Variants in NAA11 observed in about 807,000 individuals in gnomAD.
NAA11 encodes N-alpha-acetyltransferase 11, NatA catalytic subunit.
NAA11 carries 15 observed loss-of-function variants against 16.1 expected under a neutral mutation model. The ratio of observed to expected loss-of-function variants is 0.93; its 90% CI spans 0.62 to 1.44. NAA11 has a LOEUF of 1.44. Among genes scored for constraint, NAA11 ranks in the 40% most tolerant of loss-of-function variants. NAA11 has a pLI of 0.00. For missense variants in NAA11, 298 were observed against 291.3 expected, an observed-to-expected ratio of 1.02 and a Z score of -0.17; for synonymous variants, 122 against 112.4, an observed-to-expected ratio of 1.09 and a Z score of -0.54.
chr4:79,222,610 A>T (rs1721215927), downstream of NAA11, among the ~76,000 whole-genome samples: 1 of 146,790 alleles, frequency 6.8e-6, no homozygotes, highest in Admixed American at 6.9e-5. Context: ...TAAAACACCA[A>T]AAGCAATGGC....
the NAA11 span, among the ~76,000 whole-genome samples, chr4:79,205,064 C>T: frequency 6.6e-6 from 1 of 151,814 alleles, no homozygotes; most frequent in Non-Finnish European, 1.5e-5. Flanking sequence ...ATCCACTTAC[C>T]AGTTGATGGG....
At chr4:79,157,758 G>C in the NAA11 span, among the ~76,000 whole-genome samples, 1 of 151,886 alleles carries the variant, frequency 6.6e-6, no homozygotes, top group African/African-American at 2.4e-5. Context: ...CTGAGAACTG[G>C]AACAAGACAA....
At chr4:79,172,297 T>C in the NAA11 span, among the ~76,000 whole-genome samples, 1 of 152,096 alleles carries the variant, frequency 6.6e-6, no homozygotes, top group Non-Finnish European at 1.5e-5. Context: ...TTTACTGATA[T>C]TGGAACCATT....
At chr4:79,238,169 G>A (rs1721614295) in intron 2 of NAA11, among the ~76,000 whole-genome samples, 1 of 152,176 alleles carries the variant, frequency 6.6e-6, no homozygotes, top group African/African-American at 2.4e-5. Flanking sequence ...TTCAATAAAT[G>A]CCAGTGGCTT....
intron 2 of NAA11, among the ~76,000 whole-genome samples, chr4:79,267,333 C>T (rs918203746): frequency 6.6e-6 from 1 of 152,148 alleles, no homozygotes; most frequent in Non-Finnish European, 1.5e-5. Flanking sequence ...AAGATTATTA[C>T]ACTTGGGGAG....
chr4:79,222,799 A>G (rs1290016244), downstream of NAA11, among the ~76,000 whole-genome samples: 6 of 151,890 alleles, frequency 4.0e-5, no homozygotes, highest in East Asian at 1.2e-3. Context: ...AATTTACAAG[A>G]AAAAAACAAA....
chr4:79,170,823 G>A, the NAA11 span, among the ~76,000 whole-genome samples: 1 of 151,856 alleles, frequency 6.6e-6, no homozygotes, highest in Middle Eastern at 3.4e-3. Flanking sequence ...TTAAATGTTA[G>A]AGAAAAAGCC....
chr4:79,159,911 A>G, the NAA11 span, among the ~76,000 whole-genome samples: 1 of 151,380 alleles, frequency 6.6e-6, no homozygotes, highest in Admixed American at 6.6e-5. Context: ...AATACTATTC[A>G]ATTATATGGA....
chr4:79,214,086 A>G, the NAA11 span, among the ~76,000 whole-genome samples: 3 of 152,182 alleles, frequency 2.0e-5, no homozygotes, highest in African/African-American at 4.8e-5. Context: ...GGAATTGACA[A>G]ATGTTCCAAA....
At chr4:79,176,035 A>C in the NAA11 span, among the ~76,000 whole-genome samples, 1 of 152,156 alleles carries the variant, frequency 6.6e-6, no homozygotes, top group Non-Finnish European at 1.5e-5. Flanking sequence ...TTCCTTACAG[A>C]GTTCAGAAAT....
intron 2 of NAA11, among the ~76,000 whole-genome samples, chr4:79,262,773 A>G (rs1167057760): frequency 6.6e-6 from 1 of 152,160 alleles, no homozygotes; most frequent in Non-Finnish European, 1.5e-5. Flanking sequence ...AAGTTTATGT[A>G]GTAAATGTGT....
intron 2 of NAA11, among the ~76,000 whole-genome samples, chr4:79,276,387 G>A (rs1722644505): frequency 6.6e-6 from 1 of 152,104 alleles, no homozygotes; most frequent in South Asian, 2.1e-4. Flanking sequence ...ACAGCCTGGA[G>A]TAATAAGTCT....
At chr4:79,281,491 G>T (rs146813538) in intron 2 of NAA11, among the ~76,000 whole-genome samples, 5 of 151,972 alleles carry the variant, frequency 3.3e-5, no homozygotes, top group Non-Finnish European at 5.9e-5. Flanking sequence ...CAAATATCAT[G>T]CACTGTTATA....
At chr4:79,316,323 T>A (rs1723925582), downstream of NAA11, among the ~76,000 whole-genome samples, 2 of 152,180 alleles carry the variant, frequency 1.3e-5, no homozygotes, top group Admixed American at 1.3e-4. Context: ...AAGGAAAAGA[T>A]GGAAAGATAG....
At chr4:79,243,157 A>G (rs1157898530) in intron 2 of NAA11, among the ~76,000 whole-genome samples, 1 of 152,224 alleles carries the variant, frequency 6.6e-6, no homozygotes, top group East Asian at 1.9e-4. Flanking sequence ...AAAACCTTAG[A>G]GCACAACCCA....
intron 2 of NAA11, among the ~76,000 whole-genome samples, chr4:79,241,011 T>C (rs1441531120): frequency 6.6e-6 from 1 of 152,146 alleles, no homozygotes; most frequent in Non-Finnish European, 1.5e-5. Flanking sequence ...GCAAATACGA[T>C]ATGGCTAGTG....
chr4:79,181,689 C>T, the NAA11 span, among the ~76,000 whole-genome samples: 1 of 152,126 alleles, frequency 6.6e-6, no homozygotes, highest in Non-Finnish European at 1.5e-5. Flanking sequence ...GTAACCTGCT[C>T]CTGCTTCAGT....
At chr4:79,251,347 C>T (rs1417696423) in intron 2 of NAA11, among the ~76,000 whole-genome samples, 1 of 152,126 alleles carries the variant, frequency 6.6e-6, no homozygotes, top group Non-Finnish European at 1.5e-5. Context: ...GAACTGGGGC[C>T]ATTAGCCCAA....
intron 1 of NAA11, among the ~76,000 whole-genome samples, chr4:79,295,386 T>C (rs1723186008): frequency 6.6e-6 from 1 of 152,210 alleles, no homozygotes; most frequent in Non-Finnish European, 1.5e-5. Context: ...TTACAGGCTT[T>C]CAGAAAAGAT....
Sources: gnomAD v4.1 joint callset for allele counts (sites outside exome capture counted in the v4.1 genomes callset) on GRCh38, gnomAD v4.1.1 for gene constraint, MANE v1.5 for transcripts, NCBI Gene and HGNC (gene_info 2026-07-23, HGNC 2026-07-21) for gene names.